TBC1D19: variants seen among roughly 807,000 people sequenced by gnomAD.
The protein encoded by TBC1D19 is TBC1 domain family member 19, also known as TBC1 domain family, member 19.
A neutral mutation model predicts 89.0 loss-of-function variants in TBC1D19; 60 were observed. The ratio of observed to expected loss-of-function variants is 0.67; its 90% CI spans 0.55 to 0.84. TBC1D19 has a LOEUF of 0.84. Among genes scored for constraint, TBC1D19 ranks in the 40% least tolerant of loss-of-function variants. The pLI, the probability that TBC1D19 is intolerant of heterozygous loss-of-function variation, is 0.00. For synonymous variants in TBC1D19, 189 were observed against 199.7 expected, an observed-to-expected ratio of 0.95 and a Z score of 0.45; for missense variants, 500 against 610.8, an observed-to-expected ratio of 0.82 and a Z score of 1.91.
chr4:26,834,065 G>A, the TBC1D19 span, among the ~76,000 whole-genome samples: 1 of 152,110 alleles, frequency 6.6e-6, no homozygotes, highest in Non-Finnish European at 1.5e-5. Context: ...AGATCTGGTT[G>A]TTTATAAGTG....
chr4:26,805,469 C>T, the TBC1D19 span, among the ~76,000 whole-genome samples: 1 of 152,214 alleles, frequency 6.6e-6, no homozygotes, highest in African/African-American at 2.4e-5. Context: ...TAGTCCTTGA[C>T]TTAGTCCTTC....
intron 7 of TBC1D19, among the ~76,000 whole-genome samples, chr4:26,656,980 T>TCC: frequency 8.7e-6 from 1 of 115,282 alleles, no homozygotes; most frequent in African/African-American, 3.2e-5. Flanking sequence ...CTTCTTCTTC[T>TCC]TCTTCTTCTT....
At chr4:26,694,944 A>G (rs1714632461) in intron 13 of TBC1D19, among the ~76,000 whole-genome samples, 1 of 152,216 alleles carries the variant, frequency 6.6e-6, no homozygotes, top group Non-Finnish European at 1.5e-5. Flanking sequence ...AGATGGGGAA[A>G]AAACAGAGCA....
At chr4:26,633,780 C>T (rs1458486584) in intron 4 of TBC1D19, among the ~76,000 whole-genome samples, 1 of 152,114 alleles carries the variant, frequency 6.6e-6, no homozygotes, top group African/African-American at 2.4e-5. Flanking sequence ...TATCCTTTTT[C>T]CTCAATGATT....
chr4:26,820,119 A>G, the TBC1D19 span, among the ~76,000 whole-genome samples: 1 of 152,224 alleles, frequency 6.6e-6, no homozygotes, highest in African/African-American at 2.4e-5. Flanking sequence ...AGAAAGATTC[A>G]TTCAAGCTAA....
chr4:26,749,485 G>A (rs1718835535), intron 19 of TBC1D19, among the ~76,000 whole-genome samples: 1 of 145,074 alleles, frequency 6.9e-6, no homozygotes, highest in Non-Finnish European at 1.5e-5. Context: ...CTTACTCTGT[G>A]GCCCAACCTG....
intron 3 of TBC1D19, among the ~76,000 whole-genome samples, chr4:26,619,539 C>T (rs534496954): frequency 6.6e-6 from 1 of 152,180 alleles, no homozygotes; most frequent in South Asian, 2.1e-4. Context: ...TTAAATTTTA[C>T]ATAATTACCA....
intron 7 of TBC1D19, among the ~76,000 whole-genome samples, 187 bp downstream of exon 7, chr4:26,640,374 A>T (rs1004887530): frequency 1.3e-5 from 2 of 152,212 alleles, no homozygotes; most frequent in African/African-American, 4.8e-5. Context: ...ATATGGAAAG[A>T]TTAGCATTGA....
chr4:26,588,191 G>A (rs1257446677), intron 1 of TBC1D19, among the ~76,000 whole-genome samples: 2 of 151,658 alleles, frequency 1.3e-5, no homozygotes, highest in Non-Finnish European at 2.9e-5. Context: ...ACGCCCAGAT[G>A]ATTTTTTGTA....
intron 15 of TBC1D19, among the ~76,000 whole-genome samples, chr4:26,728,102 C>T (rs1166125807): frequency 6.6e-6 from 1 of 152,158 alleles, no homozygotes. Flanking sequence ...AGTGCCTTGT[C>T]CTGACTAGGG....
At chr4:26,778,555 G>A in the TBC1D19 span, among the ~76,000 whole-genome samples, 7 of 152,154 alleles carry the variant, frequency 4.6e-5, no homozygotes, top group Admixed American at 3.3e-4. Context: ...CCAGAACCGA[G>A]GTCTGCTCAA....
chr4:26,803,221 AT>A, the TBC1D19 span, among the ~76,000 whole-genome samples: 1 of 152,232 alleles, frequency 6.6e-6, no homozygotes, highest in African/African-American at 2.4e-5. Flanking sequence ...GAAGAAAAAA[AT>A]AAATAAACCA....
the TBC1D19 span, among the ~76,000 whole-genome samples, chr4:26,775,419 A>G: frequency 2.1e-4 from 32 of 152,228 alleles, no homozygotes; most frequent in Non-Finnish European, 4.0e-4. Context: ...GTGTTACCAC[A>G]CTCCAGCCTG....
chr4:26,808,742 AAAAAG>A, the TBC1D19 span, among the ~76,000 whole-genome samples: 12 of 150,320 alleles, frequency 8.0e-5, no homozygotes, highest in Non-Finnish European at 1.3e-4. Context: ...AAAAAAAAAA[AAAAAG>A]AAAAAGAAAA....
At chr4:26,713,357 C>A (rs1263885175) in intron 13 of TBC1D19, among the ~76,000 whole-genome samples, 1 of 151,798 alleles carries the variant, frequency 6.6e-6, no homozygotes, top group Admixed American at 6.6e-5. Context: ...CACTAGAAAT[C>A]AAGTATTAAT....
intron 9 of TBC1D19, among the ~76,000 whole-genome samples, chr4:26,668,927 G>A (rs563332978): frequency 6.6e-6 from 1 of 151,184 alleles, no homozygotes; most frequent in Admixed American, 6.6e-5. Flanking sequence ...AATAAAAAAA[G>A]TCATAGCCAT....
At chr4:26,713,752 G>A (rs1216413778) in intron 13 of TBC1D19, among the ~76,000 whole-genome samples, 1 of 151,984 alleles carries the variant, frequency 6.6e-6, no homozygotes, top group African/African-American at 2.4e-5. Flanking sequence ...TGTTCACACA[G>A]CTCCCTTTTA....
chr4:26,576,907 C>A lies in TBC1D19; in HGVS notation c.6+110C>A, dbSNP rs564150249. The A allele has an allele frequency of 1.5e-3, 662 of 452,342 alleles. 3 individuals are homozygous for A. The highest frequency in any genetic ancestry group is 0.012 in the Middle Eastern group (37 of 3,044). 28.0% of individuals were successfully genotyped at this position (452,342 alleles called of 1,614,324 possible). ...GTGTCAAATTGGCTAGGCTATGGCG[C>A]CCAGTTGTTTGGTCAAACAGTAATC... On this transcript the variant is annotated intron_variant, in intron 1 of 12. Transcript: ENST00000512840.
At chr4:26,699,697 G>A (rs1022716539) in intron 13 of TBC1D19, among the ~76,000 whole-genome samples, 1 of 152,124 alleles carries the variant, frequency 6.6e-6, no homozygotes, top group Non-Finnish European at 1.5e-5. Context: ...AAAATGATGA[G>A]TTCATGTCCT....
Sources: gnomAD v4.1 joint callset for allele counts (sites outside exome capture counted in the v4.1 genomes callset) on GRCh38, gnomAD v4.1.1 for gene constraint, MANE v1.5 for transcripts, NCBI Gene and HGNC (gene_info 2026-07-23, HGNC 2026-07-21) for gene names.